ZNF92: variants seen among roughly 807,000 people sequenced by gnomAD.
The protein encoded by ZNF92 is zinc finger protein 92, also known as epididymis luminal protein 203.
In ZNF92, 11 loss-of-function variants were observed where a neutral mutation model predicts 12.4. That is an observed-to-expected ratio of 0.89 (90% confidence interval 0.56 to 1.47). The LOEUF (loss-of-function observed/expected upper bound fraction) is 1.47. ZNF92 is among the 40% of genes most tolerant of loss of function. The pLI is 0.00. For synonymous variants in ZNF92, 206 were observed against 228.6 expected, an observed-to-expected ratio of 0.90 and a Z score of 0.89; for missense variants, 622 against 681.0, an observed-to-expected ratio of 0.91 and a Z score of 0.96.
chr7:65,387,465 ATCT>A (rs749716947), intron 1 of ZNF92, among the ~76,000 whole-genome samples: 29 of 151,716 alleles, frequency 1.9e-4, no homozygotes, highest in South Asian at 2.1e-4. Flanking sequence ...ATTATTGGTG[ATCT>A]TCTTAGAAAT....
intron 1 of ZNF92, among the ~76,000 whole-genome samples, chr7:65,378,564 T>A (rs10244503): frequency 0.28 from 41,904 of 151,144 alleles, 7,579 homozygotes; most frequent in African/African-American, 0.49. Flanking sequence ...AACATGGTGA[T>A]ACTCCATCTC....
intron 1 of ZNF92, among the ~76,000 whole-genome samples, chr7:65,379,625 G>A (rs943159871): frequency 1.3e-5 from 2 of 152,010 alleles, no homozygotes; most frequent in African/African-American, 4.8e-5. Flanking sequence ...GAATTTCACC[G>A]CAGCATTTTT....
intron 1 of ZNF92, 112 bp downstream of exon 1, chr7:65,374,112 G>A: frequency 6.9e-7 from 1 of 1,450,706 alleles, no homozygotes; most frequent in Non-Finnish European, 9.6e-7. Flanking sequence ...GAGATCCGCG[G>A]CCCGAGTTCT....
At chr7:65,387,519 T>C (rs1793601223) in intron 1 of ZNF92, among the ~76,000 whole-genome samples, 2 of 149,958 alleles carry the variant, frequency 1.3e-5, no homozygotes, top group Admixed American at 1.3e-4. Flanking sequence ...TGAAAAAATA[T>C]ATGCATAACA....
intron 1 of ZNF92, 72 bp from the exon 2 acceptor site, chr7:65,387,830 T>G: frequency 5.4e-6 from 8 of 1,469,944 alleles, no homozygotes; most frequent in Non-Finnish European, 6.3e-6. Context: ...TCACCTTAAG[T>G]CAAATAAAAA....
intron 1 of ZNF92, among the ~76,000 whole-genome samples, chr7:65,380,040 C>T (rs144918211): frequency 6.6e-6 from 1 of 152,134 alleles, no homozygotes; most frequent in Non-Finnish European, 1.5e-5. Flanking sequence ...CTCAACTAGG[C>T]CTCAGTGTCT....
chr7:65,393,762 G>A (rs974671548), intron 3 of ZNF92, among the ~76,000 whole-genome samples: 4 of 151,906 alleles, frequency 2.6e-5, no homozygotes, highest in African/African-American at 9.7e-5. Context: ...AATTTTGTCT[G>A]TCCTTTCAAA....
At chr7:65,380,020 A>C (rs142598235) in intron 1 of ZNF92, among the ~76,000 whole-genome samples, 1 of 151,942 alleles carries the variant, frequency 6.6e-6, no homozygotes, top group East Asian at 1.9e-4. Context: ...TTGTCCTGCC[A>C]CCCTCTACCC....
At chr7:65,383,783 C>T (rs569768079) in intron 1 of ZNF92, among the ~76,000 whole-genome samples, 1 of 152,224 alleles carries the variant, frequency 6.6e-6, no homozygotes, top group Admixed American at 6.5e-5. Flanking sequence ...TCCACCAGGG[C>T]AGTTCTGTTT....
At chr7:65,397,540 G>A (rs1477017081) in intron 3 of ZNF92, among the ~76,000 whole-genome samples, 1 of 151,358 alleles carries the variant, frequency 6.6e-6, no homozygotes, top group Non-Finnish European at 1.5e-5. Flanking sequence ...TTTTGACAGG[G>A]CCATGTTGCC....
intron 1 of ZNF92, among the ~76,000 whole-genome samples, chr7:65,382,076 A>G (rs539530869): frequency 1.2e-4 from 18 of 152,168 alleles, no homozygotes; most frequent in African/African-American, 4.3e-4. Context: ...AAGATGTGAA[A>G]AGTTTATTTT....
chr7:65,391,492 T>A (rs1045591551), intron 3 of ZNF92, among the ~76,000 whole-genome samples: 3 of 152,136 alleles, frequency 2.0e-5, no homozygotes, highest in Admixed American at 6.6e-5. Flanking sequence ...CTAAAATAGT[T>A]ACTTATAAAT....
intron 3 of ZNF92, among the ~76,000 whole-genome samples, chr7:65,389,736 T>C (rs1214769830): frequency 6.6e-6 from 1 of 151,352 alleles, no homozygotes; most frequent in Non-Finnish European, 1.5e-5. Context: ...AGGATGGTCT[T>C]GATCTCTTGA....
chr7:65,382,970 ATAAAT>A (rs1411010358), intron 1 of ZNF92, among the ~76,000 whole-genome samples: 3 of 152,132 alleles, frequency 2.0e-5, no homozygotes, highest in Admixed American at 6.6e-5. Context: ...ACGAGTAGCT[ATAAAT>A]TAAACTAATA....
At chr7:65,388,960 G>A (rs1584283816) in intron 3 of ZNF92, 59 bp downstream of exon 3, 13 of 1,409,810 alleles carry the variant, frequency 9.2e-6, no homozygotes, top group African/African-American at 1.5e-5. Flanking sequence ...TCAAGGAGAA[G>A]GCCAGTCATT....
rs550989405 is a variant in ZNF92 at position 65,391,525 on chromosome 7, G to A, written c.226+2624G>A. ...AATTTAAGTTTGCGGCAGGCAAAAAGGAATAGTATTTTCACCCACTTTTTA... is the reference window on the plus strand; with the variant it reads ...AATTTAAGTTTGCGGCAGGCAAAAAAGAATAGTATTTTCACCCACTTTTTA... On this transcript the variant is annotated intron_variant, in intron 3 of 3. Transcript: ENST00000328747. Among the ~76,000 whole-genome samples the A allele has an allele frequency of 1.9e-3, 284 of 152,094 alleles. 1 individual carries two copies. The highest frequency in any genetic ancestry group is 6.7e-3 in the African/African-American group (276 of 41,494).
chr7:65,379,092 C>T (rs1793332553), intron 1 of ZNF92, among the ~76,000 whole-genome samples: 1 of 151,922 alleles, frequency 6.6e-6, no homozygotes, highest in African/African-American at 2.4e-5. Context: ...GTTCTGTGAG[C>T]AGCTCTATCA....
At chr7:65,392,643 T>C (rs1294755804) in intron 3 of ZNF92, among the ~76,000 whole-genome samples, 1 of 151,734 alleles carries the variant, frequency 6.6e-6, no homozygotes, top group African/African-American at 2.4e-5. Flanking sequence ...TTCAAGTGAT[T>C]CTCCTGCCTC....
chr7:65,386,943 T>C (rs1201156566), intron 1 of ZNF92, among the ~76,000 whole-genome samples: 4 of 149,438 alleles, frequency 2.7e-5, no homozygotes, highest in Non-Finnish European at 5.9e-5. Context: ...TTTCTTCTTT[T>C]TTTTTTTTTT....
Sources: gnomAD v4.1 joint callset for allele counts (sites outside exome capture counted in the v4.1 genomes callset) on GRCh38, gnomAD v4.1.1 for gene constraint, MANE v1.5 for transcripts, NCBI Gene and HGNC (gene_info 2026-07-23, HGNC 2026-07-21) for gene names.